Variants in MCPH1 observed in about 807,000 individuals in gnomAD.
MCPH1 encodes microcephalin.
A neutral mutation model predicts 84.5 loss-of-function variants in MCPH1; 104 were observed. The ratio of observed to expected loss-of-function variants is 1.23; its 90% CI spans 1.05 to 1.45. The LOEUF is 1.45. MCPH1 is among the 40% of genes most tolerant of loss of function. MCPH1 has a pLI of 0.00. For missense variants in MCPH1, 1,498 were observed against 1,005.7 expected, an observed-to-expected ratio of 1.49 and a Z score of -6.62; for synonymous variants, 514 against 366.8, an observed-to-expected ratio of 1.40 and a Z score of -4.58.
At chr8:6,556,460 C>A (rs768301935) in intron 12 of MCPH1, among the ~76,000 whole-genome samples, 6 of 152,004 alleles carry the variant, frequency 3.9e-5, no homozygotes, top group Admixed American at 1.3e-4. Flanking sequence ...CCCCACCCCA[C>A]AGTCCCTCAC....
At chr8:6,636,200 C>T (rs749731765) in intron 13 of MCPH1, among the ~76,000 whole-genome samples, 1 of 152,120 alleles carries the variant, frequency 6.6e-6, no homozygotes, top group East Asian at 1.9e-4. Flanking sequence ...ATTAGCCGGG[C>T]GTGATGGCAC....
intron 12 of MCPH1, among the ~76,000 whole-genome samples, chr8:6,586,596 G>A (rs1409619209): frequency 1.3e-5 from 2 of 152,170 alleles, no homozygotes; most frequent in South Asian, 2.1e-4. Context: ...ATGTCTGGGG[G>A]GAATTCTGCA....
At chr8:6,466,270 G>A (rs1464614779) in intron 9 of MCPH1, among the ~76,000 whole-genome samples, 1 of 151,394 alleles carries the variant, frequency 6.6e-6, no homozygotes, top group African/African-American at 2.4e-5. Flanking sequence ...CTGAGTAGCT[G>A]GTACTAGAGG....
At chr8:6,472,881 A>C (rs1166305874) in intron 9 of MCPH1, among the ~76,000 whole-genome samples, 1 of 152,252 alleles carries the variant, frequency 6.6e-6, no homozygotes, top group African/African-American at 2.4e-5. Flanking sequence ...CATGTAACTT[A>C]GAAACAATTT....
At chr8:6,465,646 C>G (rs1226892934) in intron 9 of MCPH1, among the ~76,000 whole-genome samples, 1 of 151,472 alleles carries the variant, frequency 6.6e-6, no homozygotes, top group Non-Finnish European at 1.5e-5. Context: ...AGGAGGAAGC[C>G]AAGAGAGTGA....
chr8:6,524,035 G>T (rs1817877650), intron 12 of MCPH1, among the ~76,000 whole-genome samples: 1 of 152,096 alleles, frequency 6.6e-6, no homozygotes, highest in African/African-American at 2.4e-5. Flanking sequence ...TTTGTACAAG[G>T]CCAGTAAATA....
In MCPH1 at chr8:6,466,090, G is replaced by C. The variant is rs532534116; in HGVS notation, c.1935+10838G>C. Reference sequence around the variant, plus strand: ...GTGCCTCAGCCTCCCGAGTAGCTGGGACTACAGGCCCGTGCCACTACACCT... The same window carrying C: ...GTGCCTCAGCCTCCCGAGTAGCTGGCACTACAGGCCCGTGCCACTACACCT... On this transcript the variant is annotated intron_variant, in intron 9 of 13. Transcript: ENST00000344683. 2.2e-3 allele frequency among the ~76,000 whole-genome samples: 328 copies of C among 150,384 alleles called. 4 individuals carry two copies. The highest frequency in any genetic ancestry group is 7.3e-3 in the African/African-American group (298 of 40,830).
At chr8:6,426,338 C>T (rs1414895019) in intron 3 of MCPH1, among the ~76,000 whole-genome samples, 7 of 152,184 alleles carry the variant, frequency 4.6e-5, no homozygotes, top group South Asian at 2.1e-4. Context: ...CATTTGCTGT[C>T]GGCCTCCCTG....
At chr8:6,433,998 T>TA (rs1352423562) in intron 4 of MCPH1, among the ~76,000 whole-genome samples, 2 of 152,088 alleles carry the variant, frequency 1.3e-5, no homozygotes, top group Admixed American at 6.6e-5. Context: ...CCAAAATCCT[T>TA]ACACATGACC....
intron 3 of MCPH1, among the ~76,000 whole-genome samples, chr8:6,422,715 G>A (rs1358228540): frequency 1.3e-5 from 2 of 152,174 alleles, no homozygotes; most frequent in African/African-American, 2.4e-5. Flanking sequence ...TGGAGACTGA[G>A]TCTCACTCTC....
intron 11 of MCPH1, among the ~76,000 whole-genome samples, chr8:6,491,127 G>A (rs1462970907): frequency 1.3e-5 from 2 of 151,098 alleles, no homozygotes; most frequent in Non-Finnish European, 3.0e-5. Context: ...TGGCAAAAAG[G>A]TGGCCACATA....
chr8:6,642,574 G>C (rs1798004668), intron 13 of MCPH1: 3 of 291,464 alleles, frequency 1.0e-5, no homozygotes, highest in Admixed American at 4.3e-5. Context: ...CTCACCACTG[G>C]TGTCATAATT....
At chr8:6,580,954 C>A (rs1216397434) in intron 12 of MCPH1, among the ~76,000 whole-genome samples, 1 of 152,114 alleles carries the variant, frequency 6.6e-6, no homozygotes. Flanking sequence ...CAAATATATT[C>A]AAGAAAATGA....
At chr8:6,530,348 A>G (rs1314614870) in intron 12 of MCPH1, among the ~76,000 whole-genome samples, 1 of 152,010 alleles carries the variant, frequency 6.6e-6, no homozygotes, top group Non-Finnish European at 1.5e-5. Context: ...TCTCTACTAA[A>G]AATACAGAAA....
chr8:6,605,732 C>G (rs1829716192), intron 12 of MCPH1, among the ~76,000 whole-genome samples: 1 of 152,200 alleles, frequency 6.6e-6, no homozygotes, highest in African/African-American at 2.4e-5. Context: ...GAGTCTCACT[C>G]TGTCACCCAG....
intron 12 of MCPH1, among the ~76,000 whole-genome samples, chr8:6,577,763 T>C (rs1827232205): frequency 6.6e-6 from 1 of 152,246 alleles, no homozygotes; most frequent in Admixed American, 6.5e-5. Flanking sequence ...CCGTGCTACT[T>C]GTACAAGAGA....
chr8:6,510,008 G>C (rs979302368), intron 12 of MCPH1, among the ~76,000 whole-genome samples: 1 of 152,128 alleles, frequency 6.6e-6, no homozygotes, highest in Non-Finnish European at 1.5e-5. Flanking sequence ...TGCTGAATGC[G>C]TATCACCTTC....
chr8:6,536,060 A>G (rs1563084860), intron 12 of MCPH1, among the ~76,000 whole-genome samples: 1 of 152,188 alleles, frequency 6.6e-6, no homozygotes, highest in Non-Finnish European at 1.5e-5. Context: ...TTGTCTCAAA[A>G]AAAGAAAAAA....
At chr8:6,531,038 C>T (rs532425294) in intron 12 of MCPH1, among the ~76,000 whole-genome samples, 2 of 152,266 alleles carry the variant, frequency 1.3e-5, no homozygotes, top group East Asian at 3.9e-4. Context: ...GAGTAGGAAG[C>T]CACTGACTTC....
Sources: allele counts gnomAD v4.1 joint callset (sites outside exome capture counted in the v4.1 genomes callset), GRCh38; gene constraint gnomAD v4.1.1; transcripts MANE v1.5; gene names NCBI Gene and HGNC (gene_info 2026-07-23, HGNC 2026-07-21).